Variants in GPR180 observed in about 807,000 individuals in gnomAD.
GPR180 encodes the protein integral membrane protein GPR180.
Under a neutral mutation model 52.6 loss-of-function variants are expected in GPR180, and 53 were observed. That is an observed-to-expected ratio of 1.01 (90% CI 0.81 to 1.27). The LOEUF (loss-of-function observed/expected upper bound fraction) is 1.27. Among genes scored for constraint, GPR180 ranks in the 50% most tolerant of loss-of-function variants. The pLI, the probability that GPR180 is intolerant of heterozygous loss-of-function variation, is 0.00. For missense variants in GPR180, 533 were observed against 527.0 expected, an observed-to-expected ratio of 1.01 and a Z score of -0.11; for synonymous variants, 200 against 193.1, an observed-to-expected ratio of 1.04 and a Z score of -0.30.
rs896080353 is a variant in GPR180 at position 94,633,168 on chromosome 13, T to A, written c.*5997T>A. On this transcript the variant is annotated 3_prime_UTR_variant, in exon 9 of 9. Coordinates refer to ENST00000376958, the MANE Select transcript of GPR180 (RefSeq NM_180989.6). Reference sequence around the variant, plus strand: ...GAAGGTATTGTGGGGACCCCTGAACTTGCAGCCAGTTGGTCAGAAGTAAGG... The same window carrying A: ...GAAGGTATTGTGGGGACCCCTGAACATGCAGCCAGTTGGTCAGAAGTAAGG... 2.0e-5 allele frequency: 3 copies of A among 152,236 alleles called. No homozygotes were observed. The highest frequency in any genetic ancestry group is 7.2e-5 in the African/African-American group (3 of 41,456). The allele number at this position is 152,236 out of a possible 1,614,324, so 9.4% of individuals were successfully genotyped here.
chr13:94,609,595 A>G (rs890053698), intron 2 of GPR180, among the ~76,000 whole-genome samples: 1 of 152,192 alleles, frequency 6.6e-6, no homozygotes, highest in Non-Finnish European at 1.5e-5. Flanking sequence ...CAGAGCCTTT[A>G]TATAATGAGG....
chr13:94,606,172 T>G (rs1889628695), intron 2 of GPR180, among the ~76,000 whole-genome samples: 1 of 152,184 alleles, frequency 6.6e-6, no homozygotes, highest in African/African-American at 2.4e-5. Flanking sequence ...GGCATGCGCC[T>G]GTAATCCCAG....
chr13:94,625,487 G>A (rs2138570384), intron 7 of GPR180, among the ~76,000 whole-genome samples: 1 of 152,128 alleles, frequency 6.6e-6, no homozygotes, highest in South Asian at 2.1e-4. Flanking sequence ...AAAAATATTT[G>A]AAAAGTATAA....
At chr13:94,620,673 G>T (rs61965609) in intron 5 of GPR180, among the ~76,000 whole-genome samples, 1,619 of 152,222 alleles carry the variant, frequency 0.011, 20 homozygotes, top group Non-Finnish European at 0.018. Context: ...AGAAATGAAG[G>T]TACTAGTATT....
intron 2 of GPR180, among the ~76,000 whole-genome samples, chr13:94,609,983 A>G (rs1052907793): frequency 5.3e-5 from 8 of 152,200 alleles, no homozygotes; most frequent in South Asian, 2.1e-4. Context: ...AAATTTCCCA[A>G]CATACAGAAA....
chr13:94,621,654 T>C (rs1023977939), intron 6 of GPR180, among the ~76,000 whole-genome samples: 2 of 152,184 alleles, frequency 1.3e-5, no homozygotes, highest in African/African-American at 4.8e-5. Context: ...ATCTTTAGGA[T>C]TGGCTGCTTT....
intron 3 of GPR180, among the ~76,000 whole-genome samples, chr13:94,618,753 T>C (rs971883580): frequency 7.9e-5 from 12 of 152,180 alleles, no homozygotes; most frequent in African/African-American, 2.4e-4. Context: ...TAAACTGTTA[T>C]TGACTGAGGT....
intron 2 of GPR180, among the ~76,000 whole-genome samples, chr13:94,611,562 G>A (rs1181533303): frequency 6.6e-6 from 1 of 151,976 alleles, no homozygotes; most frequent in East Asian, 1.9e-4. Flanking sequence ...AGTTTCAGCC[G>A]CCGAGACCAA....
At chr13:94,616,393 A>G (rs888816149) in intron 3 of GPR180, among the ~76,000 whole-genome samples, 2 of 152,246 alleles carry the variant, frequency 1.3e-5, no homozygotes, top group Non-Finnish European at 2.9e-5. Flanking sequence ...GACAAGGATC[A>G]TGGGGAGGCG....
chr13:94,618,420 A>ATTTTTTTTTTTTTTT (rs570807308), intron 3 of GPR180, among the ~76,000 whole-genome samples: 4,572 of 86,940 alleles, frequency 0.053, 816 homozygotes, highest in Non-Finnish European at 0.063. Flanking sequence ...TCAGCACAGG[A>ATTTTTTTTTTTTTTT]TTTTTTTTTT....
chr13:94,624,011 C>T (rs1889890700), intron 7 of GPR180, among the ~76,000 whole-genome samples: 1 of 152,180 alleles, frequency 6.6e-6, no homozygotes, highest in Non-Finnish European at 1.5e-5. Flanking sequence ...TAGGAGCTAT[C>T]CTTCAGCATA....
chr13:94,603,499 T>G lies in GPR180; in HGVS notation c.145+1427T>G, dbSNP rs181919118. On this transcript the variant is annotated intron_variant, in intron 1 of 8. Transcript: ENST00000376958. ...TGTTTCATATGTGTAAAATCACATATAGTTATTACCAATTTTCATGAATCC... is the reference window on the plus strand; with the variant it reads ...TGTTTCATATGTGTAAAATCACATAGAGTTATTACCAATTTTCATGAATCC... 7.0e-3 allele frequency among the ~76,000 whole-genome samples: 1,065 copies of G among 152,298 alleles called. 14 individuals carry two copies. The highest frequency in any genetic ancestry group is 6.5e-3 in the Non-Finnish European group (445 of 68,016).
At chr13:94,613,111 T>C (rs1352790360) in intron 3 of GPR180, among the ~76,000 whole-genome samples, 1 of 152,170 alleles carries the variant, frequency 6.6e-6, no homozygotes. Context: ...AATTAACATA[T>C]TGGAGTAAGG....
At chr13:94,613,972 G>A (rs1004711093) in intron 3 of GPR180, among the ~76,000 whole-genome samples, 46 of 151,372 alleles carry the variant, frequency 3.0e-4, no homozygotes, top group Admixed American at 9.9e-4. Context: ...TCTGCCTCCC[G>A]GGTTCAAGCA....
intron 7 of GPR180, 125 bp downstream of exon 7, chr13:94,623,425 C>G: frequency 1.4e-6 from 1 of 692,174 alleles, no homozygotes; most frequent in Non-Finnish European, 2.4e-6. Context: ...GTGGCTCACT[C>G]CTATAATCCC....
rs1055656561 is a variant in GPR180, at chr13:94,629,118, G to A, written c.*1947G>A. The A allele has an allele frequency of 6.6e-6, 1 of 152,066 alleles. No homozygotes were observed. Among genetic ancestry groups the A allele is most frequent in the Non-Finnish European group, 1.5e-5 (1 of 67,980 alleles). The allele number at this position is 152,066 out of a possible 1,614,324, so 9.4% of individuals were successfully genotyped here. On this transcript the variant is annotated 3_prime_UTR_variant, in exon 9 of 9. Transcript: ENST00000376958. ...TGGAGGAAAGTAGTTGTTAATAAATGTATAAAACTGTTCTTGACTAGTAAT... is the reference window on the plus strand; with the variant it reads ...TGGAGGAAAGTAGTTGTTAATAAATATATAAAACTGTTCTTGACTAGTAAT...
In GPR180 at chr13:94,632,758, A is replaced by G. The variant is rs1890015624; in HGVS notation, c.*5587A>G. 1 of 152,218 alleles carries G rather than the reference A, an allele frequency of 6.6e-6. No individual in the cohort carries two copies. The highest frequency in any genetic ancestry group is 2.4e-5 in the African/African-American group (1 of 41,458). The allele number at this position is 152,218 out of a possible 1,614,324, so 9.4% of individuals were successfully genotyped here. ...CTCAAATAGGGGCTAGCCACACCAG[A>G]AGACCAACCATTGGATTAGAGGGTT... On this transcript the variant is annotated 3_prime_UTR_variant, in exon 9 of 9. Coordinates refer to ENST00000376958, the MANE Select transcript of GPR180 (RefSeq NM_180989.6).
Position 94,627,016 on chromosome 13 carries a change from A to T in GPR180, c.1168A>T (p.Ile390Phe). The change falls in exon 9 of 9, where the codon ATT (isoleucine) becomes TTT (phenylalanine). Residue 390 changes from isoleucine to phenylalanine, a missense_variant. Physicochemically the swap from Ile to Phe is conservative, Grantham distance 21. Transcript: ENST00000376958. ...ATTCCTTTCCTTTTCTTTTCAGGTT[A>T]TTACAATAGGTGTTATCCTTTGCCA... ...IFSDYQRDKV[I>F]TIGVILCQSV... The T allele has an allele frequency of 6.3e-7, 1 of 1,586,806 alleles. No individual in the cohort carries two copies. Among genetic ancestry groups the T allele is most frequent in the Non-Finnish European group, 8.5e-7 (1 of 1,169,618 alleles).
At position 94,627,093 on chromosome 13, in the gene GPR180, C is replaced by T; in HGVS notation, c.1245C>T (p.Tyr415=). The change falls in exon 9 of 9, where the codon TAC becomes TAT. Residue 415 remains tyrosine, a synonymous_variant. Coordinates refer to ENST00000376958, the MANE Select transcript of GPR180 (RefSeq NM_180989.6). ...LYRLFLSHSL[Y]WEVSSLSSVT... ...GACTCTTTCTGTCTCACAGTCTATA[C>T]TGGGAAGTTTCTTCACTTTCTTCAG... The T allele has an allele frequency of 6.2e-7, 1 of 1,612,552 alleles. No individual in the cohort carries two copies. Among genetic ancestry groups the T allele is most frequent in the Non-Finnish European group, 8.5e-7 (1 of 1,178,944 alleles).
Sources: gnomAD v4.1 joint callset for allele counts (sites outside exome capture counted in the v4.1 genomes callset) on GRCh38, gnomAD v4.1.1 for gene constraint, MANE v1.5 for transcripts, NCBI Gene and HGNC (gene_info 2026-07-23, HGNC 2026-07-21) for gene names.